Variants in GRHL1 observed in about 807,000 individuals in gnomAD.
GRHL1 encodes grainyhead like transcription factor 1, also known as grainyhead-like protein 1 homolog.
A neutral mutation model predicts 75.7 loss-of-function variants in GRHL1; 38 were observed. The ratio of observed to expected loss-of-function variants is 0.50; its 90% CI spans 0.39 to 0.66. The LOEUF (loss-of-function observed/expected upper bound fraction) is 0.66, where lower values mean the gene tolerates loss of function less well. Among genes scored for constraint, GRHL1 ranks in the 30% least tolerant of loss-of-function variants. GRHL1 has a pLI of 0.00. For synonymous variants in GRHL1, 266 were observed against 279.4 expected (o/e 0.95, Z 0.48); for missense variants, 589 against 767.5 (o/e 0.77, Z 2.75).
intron 14 of GRHL1, among the ~76,000 whole-genome samples, chr2:9,998,309 T>C (rs1020558614): frequency 4.5e-4 from 68 of 151,356 alleles, no homozygotes; most frequent in African/African-American, 1.6e-3. Flanking sequence ...CAGAAGCTCA[T>C]TACAGTGAGG....
rs894131814 is a variant in GRHL1, at chr2:9,961,416, T to A, written c.649T>A (p.Phe217Ile). The A allele has an allele frequency of 6.2e-7, 1 of 1,608,952 alleles. No homozygotes were observed. Among genetic ancestry groups the A allele is most frequent in the South Asian group, 1.1e-5 (1 of 90,990 alleles). The change falls in exon 4 of 16, where the codon TTC (phenylalanine) becomes ATC (isoleucine). Residue 217 changes from phenylalanine to isoleucine, a missense_variant. By Grantham distance (21) the Phe-to-Ile change is conservative. Transcript: ENST00000324907. ...TCCAGACTCGACCTTCTCAGAGACC[T>A]TCAAGGAAGGCGTTCAGGAGGTAAG... ...RTPDSTFSET[F>I]KEGVQEVFFP...
rs957661939 is a variant in GRHL1 at position 10,000,973 on chromosome 2, T to C, written c.*266T>C. ...TATACAGGATTTAAAGTGAAAACTT[T>C]ATTCCAAGAGTTAACAGAGTCTCTG... On this transcript the variant is annotated 3_prime_UTR_variant, in exon 16 of 16. Transcript: ENST00000324907. 1 of 268,178 alleles carries C rather than the reference T, an allele frequency of 3.7e-6. No individual in the cohort carries two copies. Among genetic ancestry groups the C allele is most frequent in the African/African-American group, 2.2e-5 (1 of 45,382 alleles). 16.6% of individuals were successfully genotyped at this position (268,178 alleles called of 1,614,324 possible).
chr2:10,000,024 C>T (rs1281947359), intron 15 of GRHL1, among the ~76,000 whole-genome samples: 1 of 152,208 alleles, frequency 6.6e-6, no homozygotes, highest in Non-Finnish European at 1.5e-5. Flanking sequence ...CACTCTATCG[C>T]CCAGGCTGGA....
At chr2:9,984,596 C>G in intron 8 of GRHL1, among the ~76,000 whole-genome samples, 1 of 151,772 alleles carries the variant, frequency 6.6e-6, no homozygotes, top group Non-Finnish European at 1.5e-5. Context: ...CGGGAGATAA[C>G]TGATTTGGAG....
intron 8 of GRHL1, among the ~76,000 whole-genome samples, chr2:9,977,973 C>T (rs1229229633): frequency 6.6e-6 from 1 of 152,224 alleles, no homozygotes; most frequent in African/African-American, 2.4e-5. Flanking sequence ...CCACGTCCTC[C>T]ATGGCGGCCG....
Position 9,964,303 on chromosome 2 carries a change from G to A in GRHL1, c.972G>A (p.Trp324Ter). Residue 324 changes from tryptophan to a stop codon, truncating the protein, a stop_gained, in exon 7 of 16, where the codon TGG becomes TGA. Transcript: ENST00000324907. LOFTEE classifies it high-confidence loss of function. The part of the protein sequence containing the change: ...REDQLRHWKY[W>*]HSRQHTAKQR... The stretch of plus-strand genomic sequence containing the variant: ...ATCAGTTAAGGCATTGGAAGTACTG[G>A]CACTCCCGGCAGCACACCGCTAAAC... 6.2e-7 allele frequency: 1 copy of A among 1,611,638 alleles called. No individual in the cohort carries two copies. Among genetic ancestry groups the A allele is most frequent in the Non-Finnish European group, 8.5e-7 (1 of 1,177,766 alleles).
At position 9,995,929 on chromosome 2, in the gene GRHL1, C is replaced by T. The variant is rs772407511; in HGVS notation, c.1550C>T (p.Pro517Leu). ...GGCACAGAAGATGACTTTGCTGTCCCTCCTTCTACCAAGCTGGCCCGGATA... is the reference window on the plus strand; with the variant it reads ...GGCACAGAAGATGACTTTGCTGTCCTTCCTTCTACCAAGCTGGCCCGGATA... ...PYGTEDDFAVPPSTKLARIEE... is the reference protein window; with the variant it reads ...PYGTEDDFAVLPSTKLARIEE... The change falls in exon 13 of 16, where the codon CCT (proline) becomes CTT (leucine). Residue 517 changes from proline (P) to leucine (L), a missense_variant. Pro to Leu is a moderately conservative substitution (Grantham distance 98). Around this residue, in one of 5 missense-constraint regions of GRHL1, gnomAD observed 192 missense variants for 226.6 expected, o/e 0.85. Transcript: ENST00000324907. 6.2e-7 allele frequency: 1 copy of T among 1,613,022 alleles called. No homozygotes were observed. The highest frequency in any genetic ancestry group is 8.5e-7 in the Non-Finnish European group (1 of 1,178,922).
At chr2:9,999,927 T>C (rs1049418731) in intron 15 of GRHL1, among the ~76,000 whole-genome samples, 3 of 152,126 alleles carry the variant, frequency 2.0e-5, no homozygotes, top group Non-Finnish European at 4.4e-5. Context: ...CTTGCTGGAG[T>C]GTGTAATTTG....
At chr2:9,996,833 G>A (rs1668880792) in intron 14 of GRHL1, among the ~76,000 whole-genome samples, 1 of 152,188 alleles carries the variant, frequency 6.6e-6, no homozygotes, top group South Asian at 2.1e-4. Flanking sequence ...ACAGCCTATT[G>A]CAGAGAAAGT....
At chr2:9,991,343 C>T (rs1668636469) in intron 10 of GRHL1, among the ~76,000 whole-genome samples, 1 of 152,048 alleles carries the variant, frequency 6.6e-6, no homozygotes, top group Non-Finnish European at 1.5e-5. Flanking sequence ...GGGCTTCTGG[C>T]AGCTCTTTTG....
intron 14 of GRHL1, among the ~76,000 whole-genome samples, chr2:9,996,761 C>T (rs2125247240): frequency 6.6e-6 from 1 of 152,350 alleles, no homozygotes; most frequent in East Asian, 1.9e-4. Flanking sequence ...ACAGTGGCTC[C>T]TCAGTCTACC....
At chr2:9,998,496 A>G (rs868144405) in intron 14 of GRHL1, among the ~76,000 whole-genome samples, 1 of 16,600 alleles carries the variant, frequency 6.0e-5, no homozygotes, top group East Asian at 2.7e-3. Flanking sequence ...ATATACGTAT[A>G]TATACATATA....
intron 8 of GRHL1, among the ~76,000 whole-genome samples, chr2:9,971,064 T>C (rs150834701): frequency 1.3e-5 from 2 of 152,290 alleles, no homozygotes; most frequent in African/African-American, 4.8e-5. Flanking sequence ...GTAACCTGAA[T>C]GTAAGTCTTT....
At chr2:9,952,899 T>G (rs138337540) in intron 1 of GRHL1, 2 of 412,146 alleles carry the variant, frequency 4.9e-6, no homozygotes, top group East Asian at 7.2e-5. Context: ...ATTACTCTTA[T>G]GTTGTAGAAT....
In GRHL1 at chr2:10,000,910, GA is replaced by G. The variant is rs1421165280; in HGVS notation, c.*204del. ...TTGCATTGGTGTTTTTCAGATGAAA[GA>G]GAAATCCATATACCATTATGTTTGA... is the stretch of plus-strand genomic sequence containing the variant. On this transcript the variant is annotated 3_prime_UTR_variant, in exon 16 of 16. Transcript: ENST00000324907. 1 of 440,146 alleles carries G rather than the reference GA, an allele frequency of 2.3e-6. No individual in the cohort carries two copies. 27.3% of individuals were successfully genotyped at this position (440,146 alleles called of 1,614,324 possible).
intron 8 of GRHL1, chr2:9,966,410 G>GAAA: frequency 6.8e-6 from 1 of 147,672 alleles, no homozygotes; most frequent in African/African-American, 2.5e-5. Flanking sequence ...CCAAAAAAAA[G>GAAA]AAAAAAAAAA....
intron 8 of GRHL1, among the ~76,000 whole-genome samples, chr2:9,978,734 T>C (rs1285170757): frequency 6.6e-6 from 1 of 152,164 alleles, no homozygotes; most frequent in Non-Finnish European, 1.5e-5. Flanking sequence ...CTCATGCCTG[T>C]AATCCCAGCA....
At chr2:10,000,537 C>T in intron 15 of GRHL1, 56 bp from the exon 16 acceptor site, 2 of 965,248 alleles carry the variant, frequency 2.1e-6, no homozygotes, top group South Asian at 2.7e-5. Context: ...CAATCTAGGT[C>T]TGACTCCAGG....
Position 10,000,740 on chromosome 2 carries a change from G to C in GRHL1, c.*33G>C. 8.3e-7 allele frequency: 1 copy of C among 1,199,558 alleles called. No homozygotes were observed. Among genetic ancestry groups the C allele is most frequent in the South Asian group, 1.2e-5 (1 of 81,248 alleles). The allele number at this position is 1,199,558 out of a possible 1,614,324, so 74.3% of individuals were successfully genotyped here. A position where few individuals can be genotyped will look rare whatever the true frequency, so the allele number is the denominator to read the frequency against. ...CGGGCCACAGCTCCCCAGGAGTTCAGTGCAGGTGTTTCTAGATCTTACGGT... is the reference window on the plus strand; with the variant it reads ...CGGGCCACAGCTCCCCAGGAGTTCACTGCAGGTGTTTCTAGATCTTACGGT... On this transcript the variant is annotated 3_prime_UTR_variant, in exon 16 of 16. Transcript: ENST00000324907.
Sources: allele counts gnomAD v4.1 joint callset (sites outside exome capture counted in the v4.1 genomes callset), GRCh38; gene constraint gnomAD v4.1.1; regional missense constraint gnomAD v4.1.1; transcripts MANE v1.5; gene names NCBI Gene and HGNC (gene_info 2026-07-23, HGNC 2026-07-21).